Variants in PPARA observed in about 807,000 individuals in gnomAD.
The protein encoded by PPARA is peroxisome proliferator-activated receptor alpha.
Under a neutral mutation model 42.2 loss-of-function variants are expected in PPARA, and 22 were observed. That is an observed-to-expected ratio of 0.52 (90% CI 0.37 to 0.74). The LOEUF is 0.74. Ranked by LOEUF, PPARA falls within the 30% of genes least tolerant of loss-of-function variation. The pLI is 0.00. For missense variants in PPARA, 465 were observed against 608.2 expected, an observed-to-expected ratio of 0.76 and a Z score of 2.48; for synonymous variants, 242 against 239.3, an observed-to-expected ratio of 1.01 and a Z score of -0.10.
chr22:46,184,250 C>T lies in PPARA; in HGVS notation c.-43+7414C>T, dbSNP rs4253684. Among the ~76,000 whole-genome samples the T allele has an allele frequency of 5.0e-3, 759 of 152,230 alleles. 6 individuals are homozygous for T. The highest frequency in any genetic ancestry group is 0.017 in the African/African-American group (725 of 41,528). On this transcript the variant is annotated intron_variant, in intron 3 of 8. Coordinates refer to ENST00000407236, the MANE Select transcript of PPARA (RefSeq NM_005036.6). This position sits in a 1 kb window ranked among gnomAD's most constrained non-coding sequence, Gnocchi z 4.4. Reference sequence around the variant, plus strand: ...AATTAAACACAAGCAACCTGCAACACGCCACTGCAAGTTGGATGTCTAGAA... The same window carrying T: ...AATTAAACACAAGCAACCTGCAACATGCCACTGCAAGTTGGATGTCTAGAA...
At chr22:46,185,234 T>C (rs909530465) in intron 3 of PPARA, among the ~76,000 whole-genome samples, 1 of 152,250 alleles carries the variant, frequency 6.6e-6, no homozygotes, top group Non-Finnish European at 1.5e-5. Context: ...AGGCCCTTTA[T>C]CTTCCAACCC....
rs543083664 is a variant in PPARA at position 46,232,281 on chromosome 22, G to A, written c.1159+42G>A. 7 of 1,601,976 alleles carry A rather than the reference G, an allele frequency of 4.4e-6. No individual in the cohort carries two copies. The African/African-American group carries it at 9.4e-5, about 21-fold the overall frequency. ...ATCTGCTGGTATCATGTCACTGACA[G>A]GCTCCTGTCTTGAAAAATTTGACAA... On this transcript the variant is annotated intron_variant, in intron 8 of 8. Transcript: ENST00000407236. The surrounding 1 kb of genome is among the most constrained non-coding windows in gnomAD (Gnocchi z 5.3).
chr22:46,213,431 C>A (rs534785187), intron 4 of PPARA, among the ~76,000 whole-genome samples: 3 of 140,924 alleles, frequency 2.1e-5, no homozygotes, highest in African/African-American at 5.4e-5. Flanking sequence ...CCTTTTGATA[C>A]GGAGTCTTGC....
At position 46,234,194 on chromosome 22, in the gene PPARA, T is replaced by A. The variant is rs1936072923; in HGVS notation, c.1160-939T>A. 6.6e-6 allele frequency among the ~76,000 whole-genome samples: 1 copy of A among 152,160 alleles called. No homozygotes were observed. The highest frequency in any genetic ancestry group is 6.5e-5 in the Admixed American group (1 of 15,276). The stretch of plus-strand genomic sequence containing the variant: ...CTGGAGGCCGAGGCAGGAGGATTGC[T>A]TGAGCCTAGGAGTTCCAGTCCAGCC... On this transcript the variant is annotated intron_variant, in intron 8 of 8. Coordinates refer to ENST00000407236, the MANE Select transcript of PPARA (RefSeq NM_005036.6). This position sits in a 1 kb window ranked among gnomAD's most constrained non-coding sequence, Gnocchi z 5.8.
At position 46,173,086 on chromosome 22, in the gene PPARA, C is replaced by T. The variant is rs1219898595; in HGVS notation, c.-126-3667C>T. ...TTTGTCCCTTTAGAAAAGGATTTGTCCTGCAACCAGCTCTTGCAGAAGGTA... is the reference window on the plus strand; with the variant it reads ...TTTGTCCCTTTAGAAAAGGATTTGTTCTGCAACCAGCTCTTGCAGAAGGTA... On this transcript the variant is annotated intron_variant, in intron 2 of 8. Transcript: ENST00000407236. The surrounding 1 kb of genome is among the most constrained non-coding windows in gnomAD (Gnocchi z 4.3). 6.6e-6 allele frequency among the ~76,000 whole-genome samples: 1 copy of T among 152,174 alleles called. No individual in the cohort carries two copies. The highest frequency in any genetic ancestry group is 1.5e-5 in the Non-Finnish European group (1 of 68,040).
In PPARA at chr22:46,219,359, C is replaced by T. The variant is rs1449332559; in HGVS notation, c.509-453C>T. Among the ~76,000 whole-genome samples the T allele has an allele frequency of 6.6e-6, 1 of 152,142 alleles. No individual in the cohort carries two copies. Among genetic ancestry groups the T allele is most frequent in the Non-Finnish European group, 1.5e-5 (1 of 68,030 alleles). ...AACATCTCACCACGTTATGAATTTCCTTCTAGCCAATCATTTAATAGTTTC... is the reference window on the plus strand; with the variant it reads ...AACATCTCACCACGTTATGAATTTCTTTCTAGCCAATCATTTAATAGTTTC... On this transcript the variant is annotated intron_variant, in intron 6 of 8. Coordinates refer to ENST00000407236, the MANE Select transcript of PPARA (RefSeq NM_005036.6). This position sits in a 1 kb window ranked among gnomAD's most constrained non-coding sequence, Gnocchi z 4.8.
At chr22:46,214,923 G>A (rs1934327098) in intron 4 of PPARA, among the ~76,000 whole-genome samples, 1 of 152,120 alleles carries the variant, frequency 6.6e-6, no homozygotes, top group African/African-American at 2.4e-5. Flanking sequence ...GAGGTGTGTG[G>A]GTCCGGAGCT....
intron 7 of PPARA, among the ~76,000 whole-genome samples, chr22:46,229,116 A>T (rs1228941815): frequency 6.6e-6 from 1 of 152,036 alleles, no homozygotes; most frequent in Non-Finnish European, 1.5e-5. Context: ...CAAAAAAAAA[A>T]AAAAATTATT....
At chr22:46,229,868 A>C (rs779461028) in intron 7 of PPARA, among the ~76,000 whole-genome samples, 35 of 152,182 alleles carry the variant, frequency 2.3e-4, no homozygotes, top group Non-Finnish European at 1.0e-4. Flanking sequence ...GGTTCTGTTG[A>C]AACATTCCAT....
chr22:46,156,206 T>C lies in PPARA; in HGVS notation c.-127+4236T>C, dbSNP rs1440466283. ...ATATAGTGGAAAAGGTATTAGGTCA[T>C]TAATCATGAGATTTGGATTCTAGCC... On this transcript the variant is annotated intron_variant, in intron 2 of 8. Transcript: ENST00000407236. This position sits in a 1 kb window ranked among gnomAD's most constrained non-coding sequence, Gnocchi z 5.2. The C allele has an allele frequency of 6.6e-6, 1 of 152,238 alleles. No homozygotes were observed. Among genetic ancestry groups the C allele is most frequent in the Non-Finnish European group, 1.5e-5 (1 of 68,046 alleles). The allele number at this position is 152,238 out of a possible 1,614,324, so 9.4% of individuals were successfully genotyped here.
rs1354395031 is a variant in PPARA, at chr22:46,235,226, A to G, written c.1253A>G (p.Asp418Gly). 1.9e-6 allele frequency: 3 copies of G among 1,614,098 alleles called. No homozygotes were observed. The highest frequency in any genetic ancestry group is 4.5e-5 in the East Asian group (2 of 44,878). The change falls in exon 9 of 9, where the codon GAC becomes GGC. Residue 418 changes from aspartate to glycine, a missense_variant. Asp to Gly is a moderately conservative substitution (Grantham distance 94, BLOSUM62 -1). Around this residue, in one of 2 missense-constraint regions of PPARA, gnomAD observed 313 missense variants for 469.1 expected, o/e 0.67. Transcript: ENST00000407236. The surrounding 1 kb of genome is among the most constrained non-coding windows in gnomAD (Gnocchi z 7.0). ...LRLHLQSNHPDDIFLFPKLLQ... is the reference protein window; with the variant it reads ...LRLHLQSNHPGDIFLFPKLLQ... ...CTCCACCTGCAGAGCAACCACCCGG[A>G]CGATATCTTTCTCTTCCCAAAACTT...
Position 46,156,759 on chromosome 22 carries a change from G to A in PPARA, c.-127+4789G>A, listed in dbSNP as rs996050341. Among the ~76,000 whole-genome samples the A allele has an allele frequency of 1.3e-5, 2 of 152,118 alleles. No individual in the cohort carries two copies. The highest frequency in any genetic ancestry group is 3.4e-3 in the Middle Eastern group (1 of 294). ...TGGGACTACAGGCACCCGCCACCAC[G>A]CCCAGCTAATTTTTGTATTTTTAGT... On this transcript the variant is annotated intron_variant, in intron 2 of 8. Transcript: ENST00000407236. This position sits in a 1 kb window ranked among gnomAD's most constrained non-coding sequence, Gnocchi z 5.2.
intron 2 of PPARA, among the ~76,000 whole-genome samples, chr22:46,157,193 T>C (rs1157285935): frequency 6.6e-6 from 1 of 152,226 alleles, no homozygotes; most frequent in Admixed American, 6.5e-5. Flanking sequence ...CCGTGTAAAC[T>C]GAGTAGGTAC....
chr22:46,154,449 A>G (rs1401721431), intron 2 of PPARA, among the ~76,000 whole-genome samples: 2 of 151,950 alleles, frequency 1.3e-5, no homozygotes, highest in Non-Finnish European at 2.9e-5. Flanking sequence ...GAAACCCTGC[A>G]TCTACTAAAA....
Position 46,222,025 on chromosome 22 carries a change from T to C in PPARA, c.711+2011T>C, listed in dbSNP as rs893006820. On this transcript the variant is annotated intron_variant, in intron 7 of 8. Coordinates refer to ENST00000407236, the MANE Select transcript of PPARA (RefSeq NM_005036.6). This position sits in a 1 kb window ranked among gnomAD's most constrained non-coding sequence, Gnocchi z 5.9. ...CTGGGAGCTGGAGGTTGCAGTGAGCTGAGATCGCACCACTGCACTCCAGCT... is the reference window on the plus strand; with the variant it reads ...CTGGGAGCTGGAGGTTGCAGTGAGCCGAGATCGCACCACTGCACTCCAGCT... Among the ~76,000 whole-genome samples the C allele has an allele frequency of 6.6e-6, 1 of 151,774 alleles. No individual in the cohort carries two copies. The highest frequency in any genetic ancestry group is 2.1e-4 in the South Asian group (1 of 4,792).
At position 46,236,717 on chromosome 22, in the gene PPARA, G is replaced by A. The variant is rs1403863942; in HGVS notation, c.*1337G>A. ...GAGGCACATGTGTCTTCATAGCCTG[G>A]GCTGGGTGGGAGCCAGTCACCCTGC... On this transcript the variant is annotated 3_prime_UTR_variant, in exon 9 of 9. Transcript: ENST00000407236. This position sits in a 1 kb window ranked among gnomAD's most constrained non-coding sequence, Gnocchi z 5.2. 6.6e-6 allele frequency: 1 copy of A among 152,604 alleles called. No homozygotes were observed. The highest frequency in any genetic ancestry group is 1.5e-5 in the Non-Finnish European group (1 of 68,046). The allele number at this position is 152,604 out of a possible 1,614,324, so 9.5% of individuals were successfully genotyped here. A position where few individuals can be genotyped will look rare whatever the true frequency, so the allele number is the denominator to read the frequency against.
Position 46,212,856 on chromosome 22 carries a change from C to T in PPARA, c.209-2317C>T, listed in dbSNP as rs1036224510. ...ACTAAAAATACAAAAATTAGCCGGG[C>T]GTGGTAATGGGCACCTGTAATCCCA... On this transcript the variant is annotated intron_variant, in intron 4 of 8. Coordinates refer to ENST00000407236, the MANE Select transcript of PPARA (RefSeq NM_005036.6). This position sits in a 1 kb window ranked among gnomAD's most constrained non-coding sequence, Gnocchi z 4.2. Among the ~76,000 whole-genome samples, 2 of 152,020 alleles carry T rather than the reference C, an allele frequency of 1.3e-5. No homozygotes were observed. Among genetic ancestry groups the T allele is most frequent in the Admixed American group, 6.6e-5 (1 of 15,248 alleles).
chr22:46,183,122 A>G lies in PPARA; in HGVS notation c.-43+6286A>G, dbSNP rs1930197987. Among the ~76,000 whole-genome samples the G allele has an allele frequency of 1.3e-5, 2 of 152,212 alleles. No homozygotes were observed. Among genetic ancestry groups the G allele is most frequent in the Admixed American group, 1.3e-4 (2 of 15,274 alleles). On this transcript the variant is annotated intron_variant, in intron 3 of 8. Coordinates refer to ENST00000407236, the MANE Select transcript of PPARA (RefSeq NM_005036.6). The surrounding 1 kb of genome is among the most constrained non-coding windows in gnomAD (Gnocchi z 5.5). ...CTGTGGCTTTGGCTCTGAAATCCTC[A>G]TCTGAGGACCCACACTCGGGTGCCC...
At chr22:46,226,734 A>C (rs1569247918) in intron 7 of PPARA, among the ~76,000 whole-genome samples, 1 of 152,140 alleles carries the variant, frequency 6.6e-6, no homozygotes, top group South Asian at 2.1e-4. Flanking sequence ...TTAGCTGGGC[A>C]TGGTGGTGTG....
Sources: gnomAD v4.1 joint callset for allele counts (sites outside exome capture counted in the v4.1 genomes callset) on GRCh38, gnomAD v4.1.1 for gene constraint, gnomAD v4.1.1 regional missense constraint, Gnocchi (gnomAD v3.1) non-coding constraint, MANE v1.5 for transcripts, NCBI Gene and HGNC (gene_info 2026-07-23, HGNC 2026-07-21) for gene names.